MSH3: variants seen among roughly 807,000 people sequenced by gnomAD.
MSH3 encodes mutS homolog 3, also known as DNA mismatch repair protein Msh3.
Under a neutral mutation model 123.3 loss-of-function variants are expected in MSH3, and 106 were observed. The ratio of observed to expected loss-of-function variants is 0.86; its 90% CI spans 0.73 to 1.01. The LOEUF is 1.01. MSH3 is among the 50% of genes least tolerant of loss of function. The pLI is 0.00. For missense variants in MSH3, 1,459 were observed against 1,347.6 expected (o/e 1.08, Z -1.29); for synonymous variants, 515 against 481.4 (o/e 1.07, Z -0.91).
At chr5:80,682,340 A>G (rs764764241) in intron 8 of MSH3, among the ~76,000 whole-genome samples, 13 of 152,184 alleles carry the variant, frequency 8.5e-5, no homozygotes, top group Non-Finnish European at 1.8e-4. Flanking sequence ...TGAGGATTAA[A>G]TAAGTTAATA....
At chr5:80,774,370 A>G (rs559766265) in intron 15 of MSH3, among the ~76,000 whole-genome samples, 3 of 151,252 alleles carry the variant, frequency 2.0e-5, no homozygotes, top group Admixed American at 6.6e-5. Flanking sequence ...AATTAATACT[A>G]CCACTACCAC....
intron 19 of MSH3, among the ~76,000 whole-genome samples, chr5:80,805,029 T>G (rs1744862678): frequency 6.6e-6 from 1 of 152,250 alleles, no homozygotes; most frequent in African/African-American, 2.4e-5. Context: ...CTTGTAATGT[T>G]TGTTTTCTGA....
At chr5:80,768,282 A>T (rs6151801) in intron 14 of MSH3, among the ~76,000 whole-genome samples, 162 bp downstream of exon 14, 1 of 152,162 alleles carries the variant, frequency 6.6e-6, no homozygotes, top group Admixed American at 6.5e-5. Flanking sequence ...GTTACATTAC[A>T]GCTGGAATAC....
intron 18 of MSH3, among the ~76,000 whole-genome samples, chr5:80,788,387 A>G (rs920489645): frequency 1.2e-4 from 18 of 152,134 alleles, no homozygotes; most frequent in African/African-American, 3.9e-4. Context: ...CAGTGAGCCA[A>G]GATCGTGCCA....
intron 15 of MSH3, among the ~76,000 whole-genome samples, chr5:80,771,973 T>C (rs956126337): frequency 1.3e-5 from 2 of 152,188 alleles, no homozygotes; most frequent in Admixed American, 1.3e-4. Context: ...AATGAACGTA[T>C]GTATGAATGT....
At chr5:80,824,060 G>T (rs937147535) in intron 20 of MSH3, among the ~76,000 whole-genome samples, 1 of 152,256 alleles carries the variant, frequency 6.6e-6, no homozygotes, top group Non-Finnish European at 1.5e-5. Flanking sequence ...ATCTTTCTTA[G>T]TACAGAGCAA....
chr5:80,703,403 AG>A (rs1750652748), intron 8 of MSH3, among the ~76,000 whole-genome samples: 1 of 152,206 alleles, frequency 6.6e-6, no homozygotes, highest in Non-Finnish European at 1.5e-5. Context: ...TTAAGACAAG[AG>A]ATTGCCCACC....
At chr5:80,838,424 A>T (rs140123238) in intron 20 of MSH3, among the ~76,000 whole-genome samples, 1 of 152,318 alleles carries the variant, frequency 6.6e-6, no homozygotes, top group African/African-American at 2.4e-5. Flanking sequence ...ACGTCTCATG[A>T]TGTGGTGTCA....
Position 80,761,575 on chromosome 5 carries a change from C to T in MSH3, c.1793C>T (p.Ser598Leu), listed in dbSNP as rs757559761. Residue 598 changes from serine (S) to leucine (L), a missense_variant, in exon 13 of 24, where the codon TCG (serine) becomes TTG (leucine). Transcript: ENST00000265081. ...REINARLDAV[S>L]EVLHSESSVF... ...ATAAATGCCCGGCTTGATGCTGTAT[C>T]GGAAGTTCTCCATTCAGAATCTAGT... The T allele has an allele frequency of 2.7e-5, 44 of 1,613,840 alleles. No individual in the cohort carries two copies. Among genetic ancestry groups the T allele is most frequent in the East Asian group, 4.5e-5 (2 of 44,884 alleles).
chr5:80,711,161 C>T (rs1270339906), intron 8 of MSH3, among the ~76,000 whole-genome samples: 1 of 152,216 alleles, frequency 6.6e-6, no homozygotes, highest in East Asian at 1.9e-4. Context: ...GTAATACCTC[C>T]TGTCTCTCTT....
chr5:80,715,096 T>G (rs1750934842), intron 8 of MSH3: 1 of 152,220 alleles, frequency 6.6e-6, no homozygotes, highest in Non-Finnish European at 1.5e-5. Flanking sequence ...TTCATTACTT[T>G]GGACATTGTA....
intron 8 of MSH3, among the ~76,000 whole-genome samples, chr5:80,691,531 CTT>C (rs577105178): frequency 1.4e-5 from 2 of 143,430 alleles, no homozygotes; most frequent in African/African-American, 5.1e-5. Flanking sequence ...CAATGCAATT[CTT>C]TTTTTTTTTT....
chr5:80,703,746 C>T (rs773631655), intron 8 of MSH3, among the ~76,000 whole-genome samples: 1 of 152,046 alleles, frequency 6.6e-6, no homozygotes, highest in Non-Finnish European at 1.5e-5. Context: ...TGCTGTTATC[C>T]TGTATACTAA....
At chr5:80,679,589 A>T (rs1561439815) in intron 8 of MSH3, among the ~76,000 whole-genome samples, 1 of 152,198 alleles carries the variant, frequency 6.6e-6, no homozygotes, top group Non-Finnish European at 1.5e-5. Flanking sequence ...CTGTGCTGCA[A>T]GTTTCAATTC....
chr5:80,709,180 C>A (rs1167314840), intron 8 of MSH3, among the ~76,000 whole-genome samples: 1 of 151,172 alleles, frequency 6.6e-6, no homozygotes, highest in East Asian at 2.0e-4. Context: ...CCTTAGTAGA[C>A]CCACATTAGC....
Position 80,778,714 on chromosome 5 carries a change from T to C in MSH3, c.2319-6T>C, listed in dbSNP as rs2112007627. 6.5e-7 allele frequency: 1 copy of C among 1,544,092 alleles called. No homozygotes were observed. The highest frequency in any genetic ancestry group is 9.0e-7 in the Non-Finnish European group (1 of 1,115,996). ...TTTCCTATTTGTGTTCTTTCCCCTCTTCTAGCACAAAAGCTGTGAGCCGCT... is the reference window on the plus strand; with the variant it reads ...TTTCCTATTTGTGTTCTTTCCCCTCCTCTAGCACAAAAGCTGTGAGCCGCT... On this transcript the variant is annotated splice_region_variant and splice_polypyrimidine_tract_variant and intron_variant, in intron 16 of 23. Transcript: ENST00000265081.
At chr5:80,730,890 ATATAT>A (rs1743397178) in intron 10 of MSH3, among the ~76,000 whole-genome samples, 1 of 106,558 alleles carries the variant, frequency 9.4e-6, no homozygotes, top group Non-Finnish European at 2.1e-5. Context: ...ATATATATAT[ATATAT>A]TTTTTTTTTT....
At chr5:80,840,322 C>T (rs1205982017) in intron 20 of MSH3, among the ~76,000 whole-genome samples, 1 of 152,162 alleles carries the variant, frequency 6.6e-6, no homozygotes, top group Non-Finnish European at 1.5e-5. Context: ...GGGGAATCTT[C>T]TAGGCATCCC....
intron 22 of MSH3, among the ~76,000 whole-genome samples, chr5:80,866,502 A>G (rs1746100744): frequency 6.6e-6 from 1 of 152,206 alleles, no homozygotes. Context: ...GCTCCTGCTG[A>G]CAAGCTTCCA....
Sources: gnomAD v4.1 joint callset for allele counts (sites outside exome capture counted in the v4.1 genomes callset) on GRCh38, gnomAD v4.1.1 for gene constraint, MANE v1.5 for transcripts, NCBI Gene and HGNC (gene_info 2026-07-23, HGNC 2026-07-21) for gene names.